Variants in LRP5 observed in about 807,000 individuals in gnomAD.
The protein encoded by LRP5 is LDL receptor related protein 5, also known as low-density lipoprotein receptor-related protein 5.
Under a neutral mutation model 154.1 loss-of-function variants are expected in LRP5, and 62 were observed. The ratio of observed to expected loss-of-function variants is 0.40; its 90% CI spans 0.33 to 0.50. LRP5 has a LOEUF of 0.50. Ranked by LOEUF, LRP5 falls within the 20% of genes least tolerant of loss-of-function variation. The pLI is 0.55. For synonymous variants in LRP5, 966 were observed against 1,011.5 expected (o/e 0.96, Z 0.85); for missense variants, 1,915 against 2,336.7 (o/e 0.82, Z 3.72).
intron 2 of LRP5, among the ~76,000 whole-genome samples, chr11:68,350,892 G>A (rs534083626): frequency 6.8e-6 from 1 of 147,500 alleles, no homozygotes; most frequent in East Asian, 2.0e-4. Flanking sequence ...GGATGTGAGC[G>A]TGTGTGTGTG....
intron 1 of LRP5, among the ~76,000 whole-genome samples, chr11:68,334,669 G>A (rs2098604668): frequency 6.6e-6 from 1 of 152,158 alleles, no homozygotes; most frequent in Admixed American, 6.5e-5. Flanking sequence ...GAGGTTAGGA[G>A]TTTGAGACCA....
intron 19 of LRP5, among the ~76,000 whole-genome samples, chr11:68,438,111 G>A (rs1306445587): frequency 2.6e-5 from 4 of 152,324 alleles, no homozygotes; most frequent in African/African-American, 9.6e-5. Flanking sequence ...AACATCACCT[G>A]GGCTGGCCAG....
In LRP5 at chr11:68,423,244, G is replaced by A. The variant is rs376027777; in HGVS notation, c.3028-245G>A. Among the ~76,000 whole-genome samples, 33 of 152,316 alleles carry A rather than the reference G, an allele frequency of 2.2e-4. No individual in the cohort carries two copies. The highest frequency in any genetic ancestry group is 1.4e-3 in the South Asian group (7 of 4,832). ...CGCTCTGGCATACTCAGGCGGGCAC[G>A]TAGTTAGGAGCTGATTGGAGAGGAG... On this transcript the variant is annotated intron_variant, in intron 13 of 22. Coordinates refer to ENST00000294304, the MANE Select transcript of LRP5 (RefSeq NM_002335.4). This position sits in a 1 kb window ranked among gnomAD's most constrained non-coding sequence, Gnocchi z 4.7.
chr11:68,368,465 G>T (rs568122929), intron 5 of LRP5, among the ~76,000 whole-genome samples: 1 of 152,226 alleles, frequency 6.6e-6, no homozygotes, highest in Non-Finnish European at 1.5e-5. Context: ...CCGACTTCAC[G>T]GGCTGTGTGA....
intron 17 of LRP5, among the ~76,000 whole-genome samples, chr11:68,430,621 G>T (rs1043595460): frequency 6.6e-6 from 1 of 152,242 alleles, no homozygotes; most frequent in Non-Finnish European, 1.5e-5. Flanking sequence ...TCATCAGGTT[G>T]TCTCTATCCT....
At chr11:68,435,802 T>C (rs1427841898) in intron 18 of LRP5, among the ~76,000 whole-genome samples, 3 of 152,192 alleles carry the variant, frequency 2.0e-5, no homozygotes, top group Non-Finnish European at 2.9e-5. Flanking sequence ...CTTGGCTCAC[T>C]GCAACCTCCA....
intron 21 of LRP5, among the ~76,000 whole-genome samples, chr11:68,444,893 G>A (rs2098680597): frequency 2.0e-5 from 3 of 151,794 alleles, no homozygotes; most frequent in Admixed American, 6.6e-5. Flanking sequence ...CCCTCTCAAC[G>A]TTGGGGTCAA....
chr11:68,373,374 G>A (rs1454775287), intron 5 of LRP5, among the ~76,000 whole-genome samples: 3 of 148,100 alleles, frequency 2.0e-5, no homozygotes, highest in Non-Finnish European at 4.5e-5. Context: ...CCTAGAGGTA[G>A]GGATGCGTTG....
At chr11:68,377,117 G>A (rs1272378574) in intron 5 of LRP5, among the ~76,000 whole-genome samples, 3 of 152,192 alleles carry the variant, frequency 2.0e-5, no homozygotes, top group African/African-American at 7.2e-5. Context: ...TGCCTGCCTG[G>A]GGAGTGGCCA....
chr11:68,301,676 G>A, the LRP5 span, among the ~76,000 whole-genome samples: 3 of 144,852 alleles, frequency 2.1e-5, no homozygotes, highest in African/African-American at 7.4e-5. Context: ...AGGCTGGAGT[G>A]CAGTGGTGTG....
At chr11:68,426,401 G>A (rs1346944135) in intron 16 of LRP5, among the ~76,000 whole-genome samples, 1 of 151,562 alleles carries the variant, frequency 6.6e-6, no homozygotes, top group African/African-American at 2.4e-5. Flanking sequence ...ACCACGAACA[G>A]CGTTTTAAGA....
chr11:68,386,620 C>T lies in LRP5; in HGVS notation c.1320C>T (p.Ile440=), dbSNP rs745638620. The change falls in exon 6 of 23, where the codon ATC becomes ATT. Residue 440 remains isoleucine (I), a synonymous_variant. Coordinates refer to ENST00000294304, the MANE Select transcript of LRP5 (RefSeq NM_002335.4). This position sits in a 1 kb window ranked among gnomAD's most constrained non-coding sequence, Gnocchi z 7.9. Reference sequence around the variant, plus strand: ...GGACCGACACGGGCACGGACCGCATCGAGGTGACGCGCCTCAACGGCACCT... The same window carrying T: ...GGACCGACACGGGCACGGACCGCATTGAGGTGACGCGCCTCAACGGCACCT... ...LYWTDTGTDR[I]EVTRLNGTSR... 13 of 1,613,544 alleles carry T rather than the reference C, an allele frequency of 8.1e-6. No individual in the cohort carries two copies. The East Asian group carries it at 8.9e-5, about 11-fold the overall frequency.
intron 7 of LRP5, 78 bp from the exon 8 acceptor site, chr11:68,403,405 G>C: frequency 7.7e-7 from 1 of 1,306,876 alleles, no homozygotes; most frequent in East Asian, 2.4e-5. Flanking sequence ...GGGCAGCTCA[G>C]GCCCCAGGCA....
Position 68,423,738 on chromosome 11 carries a change from G to A in LRP5, c.3236+41G>A, listed in dbSNP as rs774035524. On this transcript the variant is annotated intron_variant, in intron 14 of 22. Coordinates refer to ENST00000294304, the MANE Select transcript of LRP5 (RefSeq NM_002335.4). This position sits in a 1 kb window ranked among gnomAD's most constrained non-coding sequence, Gnocchi z 4.7. ...GTGGGTGGGGGTGCTGCCCGTCCAGGCGTGCCCGCCGTGTCTTCTGCCGAA... is the reference window on the plus strand; with the variant it reads ...GTGGGTGGGGGTGCTGCCCGTCCAGACGTGCCCGCCGTGTCTTCTGCCGAA... 7 of 1,565,388 alleles carry A rather than the reference G, an allele frequency of 4.5e-6. No homozygotes were observed. In the East Asian group the frequency reaches 1.6e-4, roughly 35 times the overall value.
At chr11:68,321,099 G>T (rs1473152323) in intron 1 of LRP5, among the ~76,000 whole-genome samples, 1 of 147,156 alleles carries the variant, frequency 6.8e-6, no homozygotes, top group African/African-American at 2.5e-5. Flanking sequence ...TATGAGGTAG[G>T]GGTCTGGCCA....
At chr11:68,312,590 C>T (rs950800542), upstream of LRP5, 3 of 238,122 alleles carry the variant, frequency 1.3e-5, no homozygotes, top group African/African-American at 4.7e-5. Flanking sequence ...CCCTCCTCCC[C>T]GTCGTCCTGG....
chr11:68,408,893 T>G (rs2098657262), intron 9 of LRP5, among the ~76,000 whole-genome samples: 1 of 150,714 alleles, frequency 6.6e-6, no homozygotes. Flanking sequence ...ACAAAAAACT[T>G]TTTTAATAAG....
chr11:68,347,873 C>T lies in LRP5; in HGVS notation c.118C>T (p.Arg40Cys), dbSNP rs780921829. ...AASPLLLFAN[R>C]RDVRLVDAGG... ...CTCGCCGCTCCTGCTATTTGCCAAC[C>T]GCCGGGACGTACGGCTGGTGGACGC... Residue 40 changes from arginine to cysteine, a missense_variant, in exon 2 of 23, where the codon CGC becomes TGC. Arg to Cys is a radical substitution (Grantham distance 180, BLOSUM62 -3). Transcript: ENST00000294304. 5 of 1,613,530 alleles carry T rather than the reference C, an allele frequency of 3.1e-6. No individual in the cohort carries two copies. The highest frequency in any genetic ancestry group is 2.7e-5 in the African/African-American group (2 of 74,924).
Position 68,353,296 on chromosome 11 carries a change from C to T in LRP5, c.489-4354C>T, listed in dbSNP as rs1047595840. Among the ~76,000 whole-genome samples, 4 of 152,180 alleles carry T rather than the reference C, an allele frequency of 2.6e-5. No homozygotes were observed. Among genetic ancestry groups the T allele is most frequent in the African/African-American group, 9.7e-5 (4 of 41,446 alleles). ...TTCCTGGGCCTCTCCCCACACCTTCCCTTTGCTCCAGTCATTTGAATGAGA... is the reference window on the plus strand; with the variant it reads ...TTCCTGGGCCTCTCCCCACACCTTCTCTTTGCTCCAGTCATTTGAATGAGA... On this transcript the variant is annotated intron_variant, in intron 2 of 22. Coordinates refer to ENST00000294304, the MANE Select transcript of LRP5 (RefSeq NM_002335.4). This position sits in a 1 kb window ranked among gnomAD's most constrained non-coding sequence, Gnocchi z 4.5.
Sources: allele counts gnomAD v4.1 joint callset (sites outside exome capture counted in the v4.1 genomes callset), GRCh38; gene constraint gnomAD v4.1.1; non-coding constraint Gnocchi (gnomAD v3.1); transcripts MANE v1.5; gene names NCBI Gene and HGNC (gene_info 2026-07-23, HGNC 2026-07-21).